MAP3K7: variants seen among roughly 807,000 people sequenced by gnomAD.
MAP3K7 encodes the protein TGF-beta activated kinase 1.
Under a neutral mutation model 84.8 loss-of-function variants are expected in MAP3K7, and 21 were observed. That is an observed-to-expected ratio of 0.25 (90% CI 0.18 to 0.36). The LOEUF (loss-of-function observed/expected upper bound fraction) is 0.36. MAP3K7 is among the 10% of genes least tolerant of loss of function. The pLI, the probability that MAP3K7 is intolerant of heterozygous loss-of-function variation, is 1.00. For synonymous variants in MAP3K7, 241 were observed against 247.7 expected, an observed-to-expected ratio of 0.97 and a Z score of 0.25; for missense variants, 503 against 747.7, an observed-to-expected ratio of 0.67 and a Z score of 3.82.
At chr6:90,566,182 C>T (rs972988545) in intron 3 of MAP3K7, among the ~76,000 whole-genome samples, 2 of 152,188 alleles carry the variant, frequency 1.3e-5, no homozygotes, top group Non-Finnish European at 2.9e-5. Flanking sequence ...CTCACCACTC[C>T]TATTCAACAT....
At chr6:90,530,001 T>C (rs916448114) in intron 13 of MAP3K7, among the ~76,000 whole-genome samples, 1 of 152,214 alleles carries the variant, frequency 6.6e-6, no homozygotes. Context: ...AGAAAACCAG[T>C]GATGAAATGT....
chr6:90,580,971 G>C (rs1302766833), intron 1 of MAP3K7, among the ~76,000 whole-genome samples: 3 of 152,100 alleles, frequency 2.0e-5, no homozygotes, highest in Non-Finnish European at 4.4e-5. Context: ...ATACAATTAA[G>C]TAGATTTAAA....
chr6:90,560,174 G>A lies in MAP3K7; in HGVS notation c.384C>T (p.Ala128=). The change falls in exon 5 of 17, where the codon GCC becomes GCT. Residue 128 remains alanine, a synonymous_variant. Coordinates refer to ENST00000369329, the MANE Select transcript of MAP3K7 (RefSeq NM_145331.3). ...GAEPLPYYTA[A]HAMSWCLQCS... ...ACTGTAAACACCAACTCATTGCGTGGGCAGCAGTATAATATGGCAATGGTT... is the reference window on the plus strand; with the variant it reads ...ACTGTAAACACCAACTCATTGCGTGAGCAGCAGTATAATATGGCAATGGTT... The A allele has an allele frequency of 1.2e-6, 2 of 1,614,124 alleles. No homozygotes were observed. The highest frequency in any genetic ancestry group is 1.7e-6 in the Non-Finnish European group (2 of 1,180,012).
chr6:90,563,618 A>G (rs548002904), intron 3 of MAP3K7, among the ~76,000 whole-genome samples: 45 of 152,364 alleles, frequency 3.0e-4, no homozygotes, highest in African/African-American at 1.1e-3. Context: ...AGTGATGGAG[A>G]GAATGGAACC....
At chr6:90,570,112 A>G (rs1776851826) in intron 2 of MAP3K7, among the ~76,000 whole-genome samples, 1 of 152,178 alleles carries the variant, frequency 6.6e-6, no homozygotes, top group South Asian at 2.1e-4. Flanking sequence ...CAGATTATAC[A>G]AGCATTTTTT....
chr6:90,552,550 A>G (rs1383784629), intron 7 of MAP3K7, among the ~76,000 whole-genome samples: 1 of 152,198 alleles, frequency 6.6e-6, no homozygotes, highest in African/African-American at 2.4e-5. Context: ...GAATGACCTA[A>G]ATAATTAGGC....
intron 3 of MAP3K7, among the ~76,000 whole-genome samples, chr6:90,562,746 T>C (rs540125002): frequency 2.6e-5 from 4 of 152,280 alleles, no homozygotes; most frequent in Admixed American, 6.5e-5. Flanking sequence ...AGCATGGAGT[T>C]TGAGATCTGA....
intron 6 of MAP3K7, 118 bp from the exon 7 acceptor site, chr6:90,553,704 G>T: frequency 4.0e-6 from 3 of 741,356 alleles, no homozygotes; most frequent in Non-Finnish European, 2.2e-6. Flanking sequence ...GTCACATGTA[G>T]AACTAAGAAA....
intron 5 of MAP3K7, among the ~76,000 whole-genome samples, chr6:90,559,758 C>T (rs1227549741): frequency 1.3e-5 from 2 of 152,086 alleles, no homozygotes; most frequent in Non-Finnish European, 2.9e-5. Context: ...TCTCTGCCCC[C>T]AAGGAATTGT....
intron 4 of MAP3K7, among the ~76,000 whole-genome samples, 198 bp from the exon 5 acceptor site, chr6:90,560,412 A>C (rs1402435766): frequency 6.6e-6 from 1 of 151,868 alleles, no homozygotes; most frequent in Non-Finnish European, 1.5e-5. Flanking sequence ...GCCAGGCTGG[A>C]GTGCAGTGGT....
At chr6:90,520,751 T>C (rs1214067708) in intron 14 of MAP3K7, among the ~76,000 whole-genome samples, 1 of 152,004 alleles carries the variant, frequency 6.6e-6, no homozygotes, top group Non-Finnish European at 1.5e-5. Flanking sequence ...ACAAGAAATA[T>C]ACTTAATTTG....
At chr6:90,582,084 AT>A (rs1264868562) in intron 1 of MAP3K7, among the ~76,000 whole-genome samples, 1 of 152,220 alleles carries the variant, frequency 6.6e-6, no homozygotes, top group African/African-American at 2.4e-5. Context: ...AAAAGCAACC[AT>A]TGTAAATAGT....
intron 12 of MAP3K7, among the ~76,000 whole-genome samples, chr6:90,538,990 C>T (rs1018965743): frequency 1.3e-5 from 2 of 151,802 alleles, no homozygotes; most frequent in East Asian, 1.9e-4. Flanking sequence ...TTGAGATTCA[C>T]GAGTTTTGAA....
intron 2 of MAP3K7, among the ~76,000 whole-genome samples, chr6:90,569,651 G>A (rs1264010735): frequency 6.6e-6 from 1 of 151,992 alleles, no homozygotes; most frequent in Non-Finnish European, 1.5e-5. Flanking sequence ...GTTAATTTTT[G>A]TATTTTTTGT....
intron 9 of MAP3K7, among the ~76,000 whole-genome samples, chr6:90,548,698 G>A (rs1170588176): frequency 2.0e-5 from 3 of 151,376 alleles, no homozygotes; most frequent in Non-Finnish European, 4.4e-5. Flanking sequence ...AGCAGGCCCT[G>A]GGCACTCCAA....
intron 11 of MAP3K7, among the ~76,000 whole-genome samples, chr6:90,546,822 G>A (rs574020214): frequency 1.3e-5 from 2 of 152,200 alleles, no homozygotes; most frequent in African/African-American, 4.8e-5. Context: ...GCAGATAGAA[G>A]GTCAAATCAT....
At chr6:90,572,311 G>A (rs1776932154) in intron 1 of MAP3K7, among the ~76,000 whole-genome samples, 2 of 151,880 alleles carry the variant, frequency 1.3e-5, no homozygotes, top group South Asian at 4.1e-4. Context: ...ATGAAGGACA[G>A]ACAAAATATA....
intron 3 of MAP3K7, among the ~76,000 whole-genome samples, chr6:90,563,417 C>T (rs1387661550): frequency 1.3e-5 from 2 of 152,136 alleles, no homozygotes; most frequent in Non-Finnish European, 2.9e-5. Context: ...ACAAGAACTA[C>T]GTGACACATG....
chr6:90,559,363 A>G (rs1366715711), intron 5 of MAP3K7, among the ~76,000 whole-genome samples: 1 of 121,242 alleles, frequency 8.2e-6, no homozygotes, highest in African/African-American at 3.2e-5. Flanking sequence ...TGTAAAGACT[A>G]ATGTGCTGGG....
Sources: allele counts gnomAD v4.1 joint callset (sites outside exome capture counted in the v4.1 genomes callset), GRCh38; gene constraint gnomAD v4.1.1; transcripts MANE v1.5; gene names NCBI Gene and HGNC (gene_info 2026-07-23, HGNC 2026-07-21).